AHI1: variants seen among roughly 807,000 people sequenced by gnomAD.
AHI1 encodes the protein Abelson helper integration site 1.
In AHI1, 123 loss-of-function variants were observed where a neutral mutation model predicts 149.3. That is an observed-to-expected ratio of 0.82 (90% CI 0.71 to 0.96). The LOEUF (loss-of-function observed/expected upper bound fraction) is 0.96. Ranked by LOEUF, AHI1 falls within the 40% of genes least tolerant of loss-of-function variation. AHI1 has a pLI of 0.00. For missense variants in AHI1, 1,439 were observed against 1,422.7 expected (o/e 1.01, Z -0.18); for synonymous variants, 475 against 459.8 (o/e 1.03, Z -0.42).
At chr6:135,485,243 T>C (rs1794311632) in intron 5 of AHI1, among the ~76,000 whole-genome samples, 1 of 152,062 alleles carries the variant, frequency 6.6e-6, no homozygotes, top group Non-Finnish European at 1.5e-5. Context: ...CTGGCTAATT[T>C]TTTGTATTTT....
intron 24 of AHI1, among the ~76,000 whole-genome samples, chr6:135,335,100 A>T (rs1789181259): frequency 6.6e-6 from 1 of 152,224 alleles, no homozygotes; most frequent in African/African-American, 2.4e-5. Flanking sequence ...TTAGAATGTT[A>T]CTGGCCAAAC....
chr6:135,316,211 CT>C (rs2128372848), intron 26 of AHI1, among the ~76,000 whole-genome samples: 1 of 152,244 alleles, frequency 6.6e-6, no homozygotes, highest in South Asian at 2.1e-4. Flanking sequence ...CCTTGGTGTC[CT>C]TTCTTTATCT....
chr6:135,361,505 G>C (rs1202445305), intron 23 of AHI1, among the ~76,000 whole-genome samples: 1 of 151,896 alleles, frequency 6.6e-6, no homozygotes, highest in Non-Finnish European at 1.5e-5. Context: ...TTTTCTTTTA[G>C]AAAATGATTT....
Position 135,428,772 on chromosome 6 carries a change from A to G in AHI1, c.2493-13T>C, listed in dbSNP as rs757199437. On this transcript the variant is annotated splice_polypyrimidine_tract_variant and intron_variant, in intron 18 of 28. Coordinates refer to ENST00000265602, the MANE Select transcript of AHI1 (RefSeq NM_001134831.2). ...CCTTGCTACTAATCTACAAGCAAAA[A>G]AGATTTTACAAATGTAACTGTCTTA... 2 of 1,588,294 alleles carry G rather than the reference A, an allele frequency of 1.3e-6. No individual in the cohort carries two copies. The highest frequency in any genetic ancestry group is 1.7e-6 in the Non-Finnish European group (2 of 1,166,054).
intron 28 of AHI1, among the ~76,000 whole-genome samples, chr6:135,285,974 A>G (rs1028078711): frequency 6.6e-6 from 1 of 152,256 alleles, no homozygotes; most frequent in Non-Finnish European, 1.5e-5. Flanking sequence ...CCAGAAATGA[A>G]GAGCAGGCAA....
At chr6:135,425,478 A>C (rs754130353) in intron 20 of AHI1, among the ~76,000 whole-genome samples, 5 of 151,906 alleles carry the variant, frequency 3.3e-5, no homozygotes, top group Non-Finnish European at 5.9e-5. Context: ...ATAGTCAAGC[A>C]TATATTGGTT....
intron 18 of AHI1, 97 bp from the exon 19 acceptor site, chr6:135,428,856 A>G (rs1409916430): frequency 1.7e-6 from 2 of 1,155,622 alleles, no homozygotes; most frequent in African/African-American, 3.1e-5. Flanking sequence ...TTTCCATTCA[A>G]CAAACATTTT....
chr6:135,480,090 C>T (rs1295295980), intron 5 of AHI1, among the ~76,000 whole-genome samples: 2 of 152,196 alleles, frequency 1.3e-5, no homozygotes, highest in Non-Finnish European at 2.9e-5. Context: ...ATTACCCAGT[C>T]TCAGTTAGCT....
chr6:135,440,253 C>T (rs1336452735), intron 14 of AHI1, among the ~76,000 whole-genome samples: 1 of 152,102 alleles, frequency 6.6e-6, no homozygotes, highest in Non-Finnish European at 1.5e-5. Context: ...TGACCTGGCT[C>T]ACAGCATGCT....
chr6:135,372,997 A>G (rs1405011152), intron 23 of AHI1, among the ~76,000 whole-genome samples: 4 of 152,224 alleles, frequency 2.6e-5, no homozygotes, highest in Non-Finnish European at 4.4e-5. Context: ...CTATTCTCCT[A>G]TGCCACATTC....
At chr6:135,333,923 T>C (rs1425428378) in intron 24 of AHI1, among the ~76,000 whole-genome samples, 1 of 152,244 alleles carries the variant, frequency 6.6e-6, no homozygotes, top group Non-Finnish European at 1.5e-5. Context: ...AAAATATTAA[T>C]TTATTGGATA....
At chr6:135,426,929 C>T (rs1329390183) in intron 20 of AHI1, among the ~76,000 whole-genome samples, 1 of 151,602 alleles carries the variant, frequency 6.6e-6, no homozygotes, top group African/African-American at 2.4e-5. Context: ...GATCTGTATT[C>T]CCTAAGTTTT....
At chr6:135,425,566 G>A (rs1350620573) in intron 20 of AHI1, among the ~76,000 whole-genome samples, 1 of 151,778 alleles carries the variant, frequency 6.6e-6, no homozygotes, top group Non-Finnish European at 1.5e-5. Context: ...CACAGTCATG[G>A]TCTCATAGTA....
intron 26 of AHI1, among the ~76,000 whole-genome samples, chr6:135,308,105 G>C (rs889312428): frequency 6.6e-6 from 1 of 152,174 alleles, no homozygotes; most frequent in Non-Finnish European, 1.5e-5. Context: ...ACTGATACTA[G>C]TCAATTTGGC....
rs369713977 is a variant in AHI1 at position 135,404,980 on chromosome 6, A to G, written c.2962-3T>C. The G allele has an allele frequency of 1.4e-4, 224 of 1,603,466 alleles. No homozygotes were observed. The highest frequency in any genetic ancestry group is 1.8e-4 in the Non-Finnish European group (212 of 1,171,712). On this transcript the variant is annotated splice_region_variant and splice_polypyrimidine_tract_variant and intron_variant, in intron 21 of 28. Coordinates refer to ENST00000265602, the MANE Select transcript of AHI1 (RefSeq NM_001134831.2). ...GCAGCACAGGAACGTATCACCTCCTAAAAGAAATACAATAAAATAAGGAAG... is the reference window on the plus strand; with the variant it reads ...GCAGCACAGGAACGTATCACCTCCTGAAAGAAATACAATAAAATAAGGAAG...
At chr6:135,433,910 TA>T (rs970730646) in intron 15 of AHI1, among the ~76,000 whole-genome samples, 2 of 151,790 alleles carry the variant, frequency 1.3e-5, no homozygotes, top group Non-Finnish European at 2.9e-5. Context: ...AATGGCTAAC[TA>T]AAAAAAATTA....
At chr6:135,422,494 G>C (rs1482596107) in intron 20 of AHI1, among the ~76,000 whole-genome samples, 1 of 151,456 alleles carries the variant, frequency 6.6e-6, no homozygotes, top group Non-Finnish European at 1.5e-5. Context: ...TGACAGAGCA[G>C]AGACTGTGTC....
chr6:135,412,570 A>G lies in AHI1; in HGVS notation c.2765-1026T>C, dbSNP rs148676918. 3.6e-3 allele frequency among the ~76,000 whole-genome samples: 542 copies of G among 152,330 alleles called. 8 individuals are homozygous for G. Among genetic ancestry groups the G allele is most frequent in the East Asian group, 0.023 (122 of 5,192 alleles). ...GATGACTGATCATGATGATGATGAT[A>G]ATGAGCATGGTAGCATCTGTGCTGC... is the stretch of plus-strand genomic sequence containing the variant. On this transcript the variant is annotated intron_variant, in intron 20 of 28. Transcript: ENST00000265602.
chr6:135,372,825 C>A (rs1450718369), intron 23 of AHI1, among the ~76,000 whole-genome samples: 1 of 152,214 alleles, frequency 6.6e-6, no homozygotes, highest in African/African-American at 2.4e-5. Flanking sequence ...TGGACTGACA[C>A]CCACACCTCT....
Sources: gnomAD v4.1 joint callset for allele counts (sites outside exome capture counted in the v4.1 genomes callset) on GRCh38, gnomAD v4.1.1 for gene constraint, MANE v1.5 for transcripts, NCBI Gene and HGNC (gene_info 2026-07-23, HGNC 2026-07-21) for gene names.